EGFLAM: variants seen among roughly 807,000 people sequenced by gnomAD.
The protein encoded by EGFLAM is pikachurin.
EGFLAM carries 79 observed loss-of-function variants against 113.1 expected under a neutral mutation model. The observed-to-expected ratio is 0.70, with a 90% CI of 0.58 to 0.84. EGFLAM has a LOEUF of 0.84. EGFLAM is among the 40% of genes least tolerant of loss of function. EGFLAM has a pLI of 0.00. For synonymous variants in EGFLAM, 504 were observed against 487.6 expected (o/e 1.03, Z -0.44); for missense variants, 1,265 against 1,291.6 (o/e 0.98, Z 0.32).
rs1300366165 is a variant in EGFLAM, at chr5:38,463,211, T to C, written c.2875+200T>C. Among the ~76,000 whole-genome samples, 5 of 152,204 alleles carry C rather than the reference T, an allele frequency of 3.3e-5. No homozygotes were observed. In the South Asian group the frequency reaches 6.2e-4, roughly 19 times the overall value. On this transcript the variant is annotated intron_variant, in intron 21 of 21. Transcript: ENST00000322350. ...GGAAGGGCTCCCTTCGATGCTTTTA[T>C]GCTTTGGACAGATCCACCAGGAAAA...
In EGFLAM at chr5:38,370,406, T is replaced by A. The variant is rs200480570; in HGVS notation, c.656T>A (p.Met219Lys). The change falls in exon 6 of 22, where the codon ATG becomes AAG. Residue 219 changes from methionine (M) to lysine (K), a missense_variant. Physicochemically the swap from Met to Lys is moderately conservative, Grantham distance 95 (BLOSUM62 -1). Coordinates refer to ENST00000322350, the MANE Select transcript of EGFLAM (RefSeq NM_152403.4). ...DTNYQFAVRA[M>K]NSHGPSPRSW... ...AACTACCAGTTTGCCGTGAGGGCAA[T>A]GAATTCCCATGGCCCCAGCCCCCGC... 6.2e-7 allele frequency: 1 copy of A among 1,614,068 alleles called. No individual in the cohort carries two copies. The highest frequency in any genetic ancestry group is 8.5e-7 in the Non-Finnish European group (1 of 1,180,036).
Position 38,407,204 on chromosome 5 carries a change from G to A in EGFLAM, c.1147+58G>A. On this transcript the variant is annotated intron_variant, in intron 8 of 21. Transcript: ENST00000322350. ...TGAATTGGCACCATTGACAGCCAGA[G>A]GGCAGTTTTGTGGTCCAAACATAGT... The A allele has an allele frequency of 1.3e-6, 2 of 1,573,242 alleles. 1 individual carries two copies. Among genetic ancestry groups the A allele is most frequent in the Non-Finnish European group, 1.7e-6 (2 of 1,155,812 alleles).
Position 38,356,124 on chromosome 5 carries a change from C to T in EGFLAM, c.545+3793C>T, listed in dbSNP as rs145569569. Among the ~76,000 whole-genome samples the T allele has an allele frequency of 4.1e-4, 63 of 152,250 alleles. No individual in the cohort carries two copies. The East Asian group carries it at 0.012, about 29-fold the overall frequency. Reference sequence around the variant, plus strand: ...CTGCTAATATATATTTATCTCTTTACCTTGACAAAATACCTTCACAGTGTC... The same window carrying T: ...CTGCTAATATATATTTATCTCTTTATCTTGACAAAATACCTTCACAGTGTC... On this transcript the variant is annotated intron_variant, in intron 5 of 21. Transcript: ENST00000322350.
chr5:38,431,177 G>A lies in EGFLAM; in HGVS notation c.2055G>A (p.Arg685=), dbSNP rs770439091. The A allele has an allele frequency of 2.5e-6, 4 of 1,613,880 alleles. No individual in the cohort carries two copies. The highest frequency in any genetic ancestry group is 3.4e-6 in the Non-Finnish European group (4 of 1,179,842). Residue 685 remains arginine, a splice_region_variant and synonymous_variant, in exon 15 of 22, where the codon AGG becomes AGA. Transcript: ENST00000322350. ...FDCGSGTGVL[R]SEDPLTLGNW... ...ATAATATCACATCTTCCTTCCACAG[G>A]AGTGAAGATCCCCTCACCCTGGGCA...
intron 14 of EGFLAM, 70 bp downstream of exon 14, chr5:38,427,322 A>G (rs1742049216): frequency 1.9e-6 from 3 of 1,572,818 alleles, no homozygotes; most frequent in Admixed American, 3.6e-5. Context: ...GAAAAAAACC[A>G]AATCGCCATT....
chr5:38,400,231 CTCAT>C (rs2112108856), intron 6 of EGFLAM, among the ~76,000 whole-genome samples: 1 of 152,262 alleles, frequency 6.6e-6, no homozygotes, highest in South Asian at 2.1e-4. Context: ...AGCTGAGAAA[CTCAT>C]TATTTATAGA....
intron 17 of EGFLAM, among the ~76,000 whole-genome samples, chr5:38,447,260 A>T (rs2112252790): frequency 6.6e-6 from 1 of 152,310 alleles, no homozygotes; most frequent in African/African-American, 2.4e-5. Context: ...GCATTTCTAA[A>T]ATATTGGAAA....
intron 6 of EGFLAM, among the ~76,000 whole-genome samples, chr5:38,396,710 T>C (rs1228243910): frequency 6.6e-6 from 1 of 152,238 alleles, no homozygotes; most frequent in Non-Finnish European, 1.5e-5. Context: ...GAAATTATTA[T>C]TCATTATTCT....
intron 1 of EGFLAM, among the ~76,000 whole-genome samples, chr5:38,327,186 C>T (rs1170262249): frequency 6.6e-6 from 1 of 152,160 alleles, no homozygotes; most frequent in East Asian, 1.9e-4. Flanking sequence ...TTTAGCCTTA[C>T]CCTGAAATGC....
intron 17 of EGFLAM, among the ~76,000 whole-genome samples, chr5:38,446,592 C>A (rs1742721639): frequency 6.6e-6 from 1 of 152,134 alleles, no homozygotes; most frequent in African/African-American, 2.4e-5. Flanking sequence ...GTGACAAGAG[C>A]CTTCATCTCC....
intron 1 of EGFLAM, among the ~76,000 whole-genome samples, chr5:38,334,426 T>C (rs1739131396): frequency 6.6e-6 from 1 of 152,178 alleles, no homozygotes; most frequent in Non-Finnish European, 1.5e-5. Flanking sequence ...TTGCTGTGTC[T>C]TCACATAGCA....
At chr5:38,307,891 C>T (rs930321104) in intron 1 of EGFLAM, among the ~76,000 whole-genome samples, 11 of 152,148 alleles carry the variant, frequency 7.2e-5, no homozygotes, top group Admixed American at 3.9e-4. Context: ...CCCAGTCCAG[C>T]CTGAGGGGTG....
intron 11 of EGFLAM, among the ~76,000 whole-genome samples, chr5:38,413,424 G>A (rs1427116074): frequency 6.6e-6 from 1 of 151,838 alleles, no homozygotes; most frequent in African/African-American, 2.4e-5. Flanking sequence ...GGTTCACTTG[G>A]TTCAAAATGC....
intron 1 of EGFLAM, among the ~76,000 whole-genome samples, chr5:38,310,346 C>T (rs1006637425): frequency 1.2e-4 from 19 of 152,138 alleles, no homozygotes; most frequent in Admixed American, 2.0e-4. Context: ...CACTTTGTAC[C>T]AGAGTTTCCT....
At chr5:38,316,779 G>T (rs1276658218) in intron 1 of EGFLAM, among the ~76,000 whole-genome samples, 1 of 152,082 alleles carries the variant, frequency 6.6e-6, no homozygotes, top group Non-Finnish European at 1.5e-5. Context: ...TTCTCTTCTG[G>T]AGAATAACCT....
At chr5:38,292,998 T>C (rs943010155) in intron 1 of EGFLAM, among the ~76,000 whole-genome samples, 1 of 152,210 alleles carries the variant, frequency 6.6e-6, no homozygotes, top group African/African-American at 2.4e-5. Context: ...CTGTTTTCTG[T>C]TTGTTTGTTT....
intron 17 of EGFLAM, among the ~76,000 whole-genome samples, chr5:38,447,813 G>A (rs2561804): frequency 0.25 from 37,717 of 151,698 alleles, 8,052 homozygotes; most frequent in African/African-American, 0.58. Context: ...TCAGAAATGC[G>A]GGAGTCCAAG....
chr5:38,417,669 AT>A (rs1175965006), intron 11 of EGFLAM, among the ~76,000 whole-genome samples: 1 of 152,140 alleles, frequency 6.6e-6, no homozygotes, highest in African/African-American at 2.4e-5. Flanking sequence ...CAAAATTAGT[AT>A]TATCACCTTT....
intron 1 of EGFLAM, among the ~76,000 whole-genome samples, chr5:38,275,215 G>C (rs761410888): frequency 3.9e-5 from 6 of 152,158 alleles, no homozygotes; most frequent in Admixed American, 6.5e-5. Flanking sequence ...GTGGTAATAA[G>C]TGTGTACCTA....
Sources: gnomAD v4.1 joint callset for allele counts (sites outside exome capture counted in the v4.1 genomes callset) on GRCh38, gnomAD v4.1.1 for gene constraint, MANE v1.5 for transcripts, NCBI Gene and HGNC (gene_info 2026-07-23, HGNC 2026-07-21) for gene names.